CASP8: variants seen among roughly 807,000 people sequenced by gnomAD.
CASP8 encodes the protein caspase-8.
In CASP8, 24 loss-of-function variants were observed where a neutral mutation model predicts 46.3. The ratio of observed to expected loss-of-function variants is 0.52; its 90% CI spans 0.38 to 0.73. The LOEUF (loss-of-function observed/expected upper bound fraction) is 0.73, where lower values mean the gene tolerates loss of function less well. Ranked by LOEUF, CASP8 falls within the 30% of genes least tolerant of loss-of-function variation. CASP8 has a pLI of 0.00. For synonymous variants in CASP8, 188 were observed against 200.4 expected (o/e 0.94, Z 0.52); for missense variants, 460 against 559.0 (o/e 0.82, Z 1.79).
Position 201,271,542 on chromosome 2 carries a change from A to C in CASP8, c.332A>C (p.Glu111Ala), listed in dbSNP as rs1576325049. The C allele has an allele frequency of 6.2e-7, 1 of 1,607,752 alleles. No individual in the cohort carries two copies. The highest frequency in any genetic ancestry group is 8.5e-7 in the Non-Finnish European group (1 of 1,174,174). ...GTCATGCTCTATCAGATTTCAGAAG[A>C]AGTGAGCAGATCAGAATTGAGGTCT... Reference protein sequence around the residue: ...YRVMLYQISEEVSRSELRSFK... With the variant: ...YRVMLYQISEAVSRSELRSFK... Residue 111 changes from glutamate to alanine, a missense_variant, in exon 3 of 9, where the codon GAA becomes GCA. Physicochemically the swap from Glu to Ala is moderately radical, Grantham distance 107 (BLOSUM62 -1). Coordinates refer to ENST00000673742, the MANE Select transcript of CASP8 (RefSeq NM_001372051.1).
At chr2:201,284,633 T>C (rs1949433372) in intron 7 of CASP8, among the ~76,000 whole-genome samples, 183 bp from the exon 8 acceptor site, 1 of 5,244 alleles carries the variant, frequency 1.9e-4, no homozygotes, top group East Asian at 0.013. Flanking sequence ...AGCAGTACCG[T>C]CCAGCTTTGG....
chr2:201,261,572 C>T (rs1028890750), intron 1 of CASP8, among the ~76,000 whole-genome samples: 22 of 152,102 alleles, frequency 1.4e-4, no homozygotes, highest in Non-Finnish European at 1.6e-4. Flanking sequence ...GGTTTGGACA[C>T]CTTTGCTGGG....
chr2:201,283,072 G>C (rs1428676277), intron 7 of CASP8, among the ~76,000 whole-genome samples: 1 of 57,192 alleles, frequency 1.7e-5, no homozygotes, highest in African/African-American at 6.5e-5. Flanking sequence ...CTCCCGGACG[G>C]GGCGGCTGGC....
In CASP8 at chr2:201,254,438, G is replaced by A. The variant is rs1946925476; in HGVS notation, c.-26-12023G>A. On this transcript the variant is annotated intron_variant, in intron 2 of 6. Transcript: ENST00000264274. ...AATCTGTTTTCCCTTCCCTTGCCAC[G>A]CTCTGGAGGAGGAGTCTAGGGCAGT... Among the ~76,000 whole-genome samples, 5 of 152,204 alleles carry A rather than the reference G, an allele frequency of 3.3e-5. No homozygotes were observed. The South Asian group carries it at 1.0e-3, about 32-fold the overall frequency.
upstream of CASP8, chr2:201,258,464 G>T (rs1450551093): frequency 6.5e-7 from 1 of 1,549,492 alleles, no homozygotes; most frequent in Non-Finnish European, 8.9e-7. Context: ...AAACAGGGCT[G>T]TGGGGGTGGG....
chr2:201,239,346 G>A (rs1426906448), intron 2 of CASP8, among the ~76,000 whole-genome samples: 4 of 152,138 alleles, frequency 2.6e-5, no homozygotes, highest in South Asian at 2.1e-4. Flanking sequence ...AGGGGCGGCC[G>A]GGCAGAGGCG....
chr2:201,245,974 TCTC>T (rs1946500154), intron 2 of CASP8, among the ~76,000 whole-genome samples: 2 of 150,330 alleles, frequency 1.3e-5, no homozygotes, highest in Non-Finnish European at 2.9e-5. Flanking sequence ...TTCAAGCAAT[TCTC>T]CTGCCTCAGC....
upstream of CASP8, chr2:201,257,998 T>TCTGTTC: frequency 1.9e-6 from 1 of 520,190 alleles, no homozygotes; most frequent in Non-Finnish European, 3.5e-6. Context: ...AAATTGGGCA[T>TCTGTTC]CTGTTCCTTT....
At chr2:201,284,713 A>ACGGGGAGAGGGAGAGGGAG in intron 7 of CASP8, 103 bp from the exon 8 acceptor site, 1 of 172,308 alleles carries the variant, frequency 5.8e-6, no homozygotes, top group Non-Finnish European at 1.1e-5. Context: ...GGAGAGGGAG[A>ACGGGGAGAGGGAGAGGGAG]GGGGTCAAAT....
chr2:201,252,308 G>A (rs925996740), intron 2 of CASP8, among the ~76,000 whole-genome samples: 3 of 151,944 alleles, frequency 2.0e-5, no homozygotes, highest in East Asian at 1.9e-4. Context: ...ACAGAGTCTC[G>A]CTCTGTCACC....
intron 6 of CASP8, among the ~76,000 whole-genome samples, 159 bp from the exon 7 acceptor site, chr2:201,276,668 C>G (rs914782577): frequency 1.3e-5 from 2 of 152,266 alleles, no homozygotes; most frequent in South Asian, 2.1e-4. Context: ...CTGAGAGGTC[C>G]TGTGTGAAGG....
intron 2 of CASP8, among the ~76,000 whole-genome samples, chr2:201,246,293 C>G (rs942741695): frequency 1.3e-5 from 2 of 152,138 alleles, no homozygotes; most frequent in East Asian, 3.8e-4. Context: ...GCCTCTGGGT[C>G]CCCCGCCAGT....
At chr2:201,277,027 T>A (rs1948679187) in intron 7 of CASP8, 59 bp downstream of exon 7, 4 of 1,265,956 alleles carry the variant, frequency 3.2e-6, no homozygotes, top group African/African-American at 3.0e-5. Flanking sequence ...TTTTTTTAAA[T>A]CAAAAGGGAG....
intron 1 of CASP8, among the ~76,000 whole-genome samples, chr2:201,265,000 G>C (rs1947699166): frequency 6.6e-6 from 1 of 152,116 alleles, no homozygotes. Flanking sequence ...TAGGGGATGA[G>C]TCCCCAGAGC....
At chr2:201,269,393 AG>A in intron 2 of CASP8, 1 of 686,702 alleles carries the variant, frequency 1.5e-6, no homozygotes. Flanking sequence ...AGCATTGTGA[AG>A]TCTTTATAAG....
intron 2 of CASP8, among the ~76,000 whole-genome samples, chr2:201,247,384 C>T (rs2124963417): frequency 6.6e-6 from 1 of 152,000 alleles, no homozygotes; most frequent in Non-Finnish European, 1.5e-5. Context: ...CCATAGCATC[C>T]ATGCTGAAGG....
intron 7 of CASP8, among the ~76,000 whole-genome samples, chr2:201,283,398 A>AC (rs1288884375): frequency 5.8e-5 from 2 of 34,606 alleles, no homozygotes; most frequent in Admixed American, 2.4e-4. Context: ...CGGGGGGCTG[A>AC]CCCCCCACCT....
intron 2 of CASP8, among the ~76,000 whole-genome samples, chr2:201,244,315 C>T (rs1043345941): frequency 6.6e-6 from 1 of 152,206 alleles, no homozygotes; most frequent in East Asian, 1.9e-4. Flanking sequence ...TTGTCAAATT[C>T]ACTGGGGAAC....
intron 2 of CASP8, among the ~76,000 whole-genome samples, chr2:201,239,247 A>C (rs7575657): frequency 0.51 from 78,134 of 151,836 alleles, 20,645 homozygotes; most frequent in African/African-American, 0.61. Flanking sequence ...CAAAACCGCC[A>C]TTGTCATCAT....
Sources: allele counts gnomAD v4.1 joint callset (sites outside exome capture counted in the v4.1 genomes callset), GRCh38; gene constraint gnomAD v4.1.1; transcripts MANE v1.5; gene names NCBI Gene and HGNC (gene_info 2026-07-23, HGNC 2026-07-21).